Variants in ATP11A observed in about 807,000 individuals in gnomAD.
ATP11A encodes ATPase phospholipid transporting 11A, also known as phospholipid-transporting ATPase IH.
ATP11A carries 81 observed loss-of-function variants against 154.4 expected under a neutral mutation model. The ratio of observed to expected loss-of-function variants is 0.52; its 90% CI spans 0.44 to 0.63. The LOEUF (loss-of-function observed/expected upper bound fraction) is 0.63, where lower values mean the gene tolerates loss of function less well. Ranked by LOEUF, ATP11A falls within the 30% of genes least tolerant of loss-of-function variation. The pLI is 0.00. For synonymous variants in ATP11A, 623 were observed against 585.9 expected (o/e 1.06, Z -0.91); for missense variants, 1,316 against 1,474.3 (o/e 0.89, Z 1.76).
At chr13:112,844,071 C>T (rs1431384166) in intron 17 of ATP11A, among the ~76,000 whole-genome samples, 1 of 152,222 alleles carries the variant, frequency 6.6e-6, no homozygotes, top group Non-Finnish European at 1.5e-5. Flanking sequence ...CGTGTGGGGG[C>T]TCCTGAGGGG....
At position 112,690,258 on chromosome 13, in the gene ATP11A, A is replaced by C; in HGVS notation, c.-159A>C. On this transcript the variant is annotated 5_prime_UTR_variant, in exon 1 of 30. It removes an upstream start codon present in the reference 5' UTR. Transcript: ENST00000375645. The surrounding 1 kb of genome is among the most constrained non-coding windows in gnomAD (Gnocchi z 5.6). ...CCAGCATTCGCCGGCCGGGCCGGGC[A>C]TGAGCGCGGAGGGGCCGCGGCCGCC... is the stretch of plus-strand genomic sequence containing the variant. The C allele has an allele frequency of 3.9e-6, 1 of 253,178 alleles. No individual in the cohort carries two copies. The highest frequency in any genetic ancestry group is 6.3e-6 in the Non-Finnish European group (1 of 158,054). 15.7% of individuals were successfully genotyped at this position (253,178 alleles called of 1,614,324 possible).
intron 1 of ATP11A, among the ~76,000 whole-genome samples, chr13:112,692,841 T>C (rs1249008426): frequency 2.6e-5 from 4 of 152,328 alleles, no homozygotes; most frequent in Admixed American, 6.5e-5. Flanking sequence ...TGCGTTATCG[T>C]CCACTATGTA....
intron 29 of ATP11A, chr13:112,880,425 C>G: frequency 1.1e-6 from 1 of 882,324 alleles, no homozygotes. Flanking sequence ...CCCATGCAGA[C>G]TCCAACAGGG....
At chr13:112,878,468 T>C (rs2080795904) in intron 29 of ATP11A, 165 bp downstream of exon 29, 1 of 660,838 alleles carries the variant, frequency 1.5e-6, no homozygotes, top group Non-Finnish European at 2.7e-6. Context: ...CACCTTCTCA[T>C]GCACAGACTG....
At chr13:112,719,882 A>G (rs551539699) in intron 1 of ATP11A, among the ~76,000 whole-genome samples, 1 of 152,324 alleles carries the variant, frequency 6.6e-6, no homozygotes, top group East Asian at 1.9e-4. Context: ...GTCCAAAACA[A>G]CAGTCTCCCA....
In ATP11A at chr13:112,710,858, G is replaced by A. The variant is rs563931227; in HGVS notation, c.39+20403G>A. Among the ~76,000 whole-genome samples, 230 of 152,382 alleles carry A rather than the reference G, an allele frequency of 1.5e-3. 2 individuals carry two copies. The highest frequency in any genetic ancestry group is 5.2e-3 in the African/African-American group (218 of 41,598). ...CACTATCATCCCTGCAGGGAGAGAA[G>A]GTTCGGCTCCCTGGGGCTCTCCCAG... On this transcript the variant is annotated intron_variant, in intron 1 of 29. Coordinates refer to ENST00000375645, the MANE Select transcript of ATP11A (RefSeq NM_015205.3).
intron 1 of ATP11A, among the ~76,000 whole-genome samples, chr13:112,735,823 T>TTC (rs1292842017): frequency 6.6e-6 from 1 of 152,194 alleles, no homozygotes; most frequent in African/African-American, 2.4e-5. Flanking sequence ...CACCAAACCT[T>TTC]TCAGCAGTCG....
At chr13:112,825,865 T>C (rs2078920475) in intron 11 of ATP11A, among the ~76,000 whole-genome samples, 1 of 152,098 alleles carries the variant, frequency 6.6e-6, no homozygotes. Flanking sequence ...GCTGAGAAAA[T>C]GCTTGTTAAT....
At chr13:112,861,454 G>A (rs979958099) in intron 24 of ATP11A, among the ~76,000 whole-genome samples, 4 of 152,196 alleles carry the variant, frequency 2.6e-5, no homozygotes, top group Admixed American at 6.5e-5. Flanking sequence ...CCGTTCACCC[G>A]TTCCCTTATT....
intron 1 of ATP11A, among the ~76,000 whole-genome samples, chr13:112,726,664 G>A (rs1889924485): frequency 6.6e-6 from 1 of 152,208 alleles, no homozygotes; most frequent in Non-Finnish European, 1.5e-5. Context: ...CCAATCAAAT[G>A]CCTGGCTTTG....
chr13:112,724,483 T>G (rs1889593537), intron 1 of ATP11A, among the ~76,000 whole-genome samples: 1 of 140,020 alleles, frequency 7.1e-6, no homozygotes, highest in African/African-American at 3.1e-5. Flanking sequence ...CCCGTGGAGC[T>G]GTCACGTGGC....
chr13:112,769,718 G>A (rs1246558600), intron 1 of ATP11A, among the ~76,000 whole-genome samples: 1 of 152,184 alleles, frequency 6.6e-6, no homozygotes, highest in Non-Finnish European at 1.5e-5. Context: ...GCACTGATTT[G>A]CAGAGGGGTG....
At chr13:112,869,454 A>G (rs2080442647) in intron 25 of ATP11A, among the ~76,000 whole-genome samples, 1 of 152,214 alleles carries the variant, frequency 6.6e-6, no homozygotes, top group Admixed American at 6.5e-5. Context: ...CACAGCAGGG[A>G]GAGGGGACAG....
chr13:112,848,102 C>T (rs998490271), intron 17 of ATP11A, among the ~76,000 whole-genome samples: 8 of 151,964 alleles, frequency 5.3e-5, no homozygotes, highest in South Asian at 2.1e-4. Context: ...AAAAAAGAAA[C>T]GGAGGAAGGG....
chr13:112,838,910 G>A lies in ATP11A; in HGVS notation c.1705+2659G>A, dbSNP rs1006899042. Among the ~76,000 whole-genome samples the A allele has an allele frequency of 1.3e-5, 2 of 152,162 alleles. No homozygotes were observed. The highest frequency in any genetic ancestry group is 2.4e-5 in the African/African-American group (1 of 41,440). ...ATTGCACTGGAGTTCTCCCTGCTGG[G>A]CGGGGAGACCCTGCAGCCAGCTCAC... On this transcript the variant is annotated intron_variant, in intron 16 of 29. Coordinates refer to ENST00000375645, the MANE Select transcript of ATP11A (RefSeq NM_015205.3). This position sits in a 1 kb window ranked among gnomAD's most constrained non-coding sequence, Gnocchi z 7.3.
At chr13:112,812,365 G>GCCTC (rs1002112317) in intron 5 of ATP11A, among the ~76,000 whole-genome samples, 18 of 152,178 alleles carry the variant, frequency 1.2e-4, no homozygotes, top group African/African-American at 4.1e-4. Context: ...CAACTCCCAC[G>GCCTC]CCTCCCTCCC....
chr13:112,789,984 AC>A (rs1369181968), intron 2 of ATP11A, among the ~76,000 whole-genome samples: 3 of 149,944 alleles, frequency 2.0e-5, no homozygotes, highest in Non-Finnish European at 4.4e-5. Flanking sequence ...TGGCGTGTAA[AC>A]CCCTGTGTAG....
rs1022843853 is a variant in ATP11A, at chr13:112,785,921, G to A, written c.162+664G>A. Reference sequence around the variant, plus strand: ...GTAAACTGTGCTTTCCAGGTAATGCGGAACGCACGTGCCTGCGTTCAGACT... The same window carrying A: ...GTAAACTGTGCTTTCCAGGTAATGCAGAACGCACGTGCCTGCGTTCAGACT... On this transcript the variant is annotated intron_variant, in intron 2 of 29. Transcript: ENST00000375645. This position sits in a 1 kb window ranked among gnomAD's most constrained non-coding sequence, Gnocchi z 4.8. 6.6e-6 allele frequency among the ~76,000 whole-genome samples: 1 copy of A among 152,012 alleles called. No homozygotes were observed. Among genetic ancestry groups the A allele is most frequent in the African/African-American group, 2.4e-5 (1 of 41,372 alleles).
At chr13:112,721,785 G>A (rs765585196) in intron 1 of ATP11A, among the ~76,000 whole-genome samples, 14 of 152,188 alleles carry the variant, frequency 9.2e-5, no homozygotes, top group Non-Finnish European at 1.9e-4. Context: ...CTTTTTTAGA[G>A]TGTTAAGAAA....
Sources: gnomAD v4.1 joint callset for allele counts (sites outside exome capture counted in the v4.1 genomes callset) on GRCh38, gnomAD v4.1.1 for gene constraint, Gnocchi (gnomAD v3.1) non-coding constraint, MANE v1.5 for transcripts, NCBI Gene and HGNC (gene_info 2026-07-23, HGNC 2026-07-21) for gene names.